Variants in SETD3 observed in about 807,000 individuals in gnomAD.
SETD3 encodes the protein actin-histidine N-methyltransferase.
Under a neutral mutation model 63.0 loss-of-function variants are expected in SETD3, and 19 were observed. The ratio of observed to expected loss-of-function variants is 0.30; its 90% confidence interval spans 0.21 to 0.44. The LOEUF (loss-of-function observed/expected upper bound fraction) is 0.44. Ranked by LOEUF, SETD3 falls within the 20% of genes least tolerant of loss-of-function variation. The probability of loss-of-function intolerance (pLI) is 1.00; values close to 1 mark genes in which losing one functional copy is unlikely to be tolerated. For synonymous variants in SETD3, 286 were observed against 264.1 expected (o/e 1.08, Z -0.80); for missense variants, 587 against 728.5 (o/e 0.81, Z 2.24).
chr14:99,463,999 T>G (rs1895225677), intron 2 of SETD3, among the ~76,000 whole-genome samples: 1 of 152,220 alleles, frequency 6.6e-6, no homozygotes, highest in Non-Finnish European at 1.5e-5. Flanking sequence ...TCAACCTTTC[T>G]TTTTAGTTAA....
chr14:99,461,860 G>A (rs1479305811), intron 3 of SETD3, among the ~76,000 whole-genome samples: 1 of 152,216 alleles, frequency 6.6e-6, no homozygotes, highest in African/African-American at 2.4e-5. Flanking sequence ...CAATTTAAAT[G>A]AGCTAGAGCT....
At chr14:99,463,724 T>C (rs568592913) in intron 2 of SETD3, 146 bp from the exon 3 acceptor site, 3 of 654,126 alleles carry the variant, frequency 4.6e-6, no homozygotes, top group East Asian at 5.5e-5. Context: ...GCCATGATAA[T>C]GAATGTGAGA....
chr14:99,434,551 T>C (rs1893362581), intron 6 of SETD3, among the ~76,000 whole-genome samples: 1 of 152,042 alleles, frequency 6.6e-6, no homozygotes, highest in African/African-American at 2.4e-5. Context: ...GCTACTTGAG[T>C]ACAAAAACTA....
intron 6 of SETD3, among the ~76,000 whole-genome samples, chr14:99,456,140 G>A (rs1049484548): frequency 2.0e-5 from 3 of 152,130 alleles, no homozygotes; most frequent in African/African-American, 7.2e-5. Context: ...GGGTGACACA[G>A]CAAGACCCTG....
At chr14:99,467,960 G>T (rs913808364) in intron 1 of SETD3, among the ~76,000 whole-genome samples, 5 of 152,066 alleles carry the variant, frequency 3.3e-5, no homozygotes, top group Non-Finnish European at 5.9e-5. Context: ...CCCTCTGCCA[G>T]GTGCTGGACT....
chr14:99,422,789 C>T (rs1161442650), intron 6 of SETD3, among the ~76,000 whole-genome samples: 2 of 152,182 alleles, frequency 1.3e-5, no homozygotes, highest in South Asian at 2.1e-4. Flanking sequence ...TGTACCATAC[C>T]GGGCTGCTGG....
intron 6 of SETD3, among the ~76,000 whole-genome samples, chr14:99,453,448 C>A (rs777631181): frequency 6.6e-6 from 1 of 152,194 alleles, no homozygotes; most frequent in Non-Finnish European, 1.5e-5. Context: ...ACAGCCTATT[C>A]CTTCCTGCCA....
At chr14:99,436,483 A>G (rs1041972887) in intron 6 of SETD3, among the ~76,000 whole-genome samples, 3 of 152,154 alleles carry the variant, frequency 2.0e-5, no homozygotes, top group African/African-American at 7.2e-5. Context: ...GACACCATCC[A>G]CTAGTACTCC....
chr14:99,482,796 G>A (rs556219566), upstream of SETD3, among the ~76,000 whole-genome samples: 1 of 152,178 alleles, frequency 6.6e-6, no homozygotes, highest in Non-Finnish European at 1.5e-5. Context: ...AGAAAAATTG[G>A]TCATAGCTGT....
At chr14:99,446,704 G>A (rs944677205) in intron 6 of SETD3, among the ~76,000 whole-genome samples, 7 of 152,178 alleles carry the variant, frequency 4.6e-5, no homozygotes, top group Non-Finnish European at 8.8e-5. Flanking sequence ...AAGGACCGCA[G>A]TCAGGTAAAG....
At chr14:99,479,492 T>C (rs1641855069) in intron 1 of SETD3, among the ~76,000 whole-genome samples, 1 of 152,220 alleles carries the variant, frequency 6.6e-6, no homozygotes, top group Admixed American at 6.5e-5. Context: ...TTTTGCTATA[T>C]TCTTGGGTTA....
intron 6 of SETD3, among the ~76,000 whole-genome samples, chr14:99,445,339 A>C (rs1386816407): frequency 6.6e-6 from 1 of 152,244 alleles, no homozygotes; most frequent in Non-Finnish European, 1.5e-5. Context: ...CATTCACTCA[A>C]GTTCAACTAA....
chr14:99,458,539 A>G lies in SETD3; in HGVS notation c.419-4T>C. ...CGGTCTTGAGAATATAAGGGCCCTG[A>G]ATTAACCCAGAAGTTAACAGCGTAA... is the stretch of plus-strand genomic sequence containing the variant. On this transcript the variant is annotated splice_polypyrimidine_tract_variant and splice_region_variant and intron_variant, in intron 5 of 12. Transcript: ENST00000331768. The G allele has an allele frequency of 6.2e-7, 1 of 1,612,360 alleles. No homozygotes were observed. Among genetic ancestry groups the G allele is most frequent in the Non-Finnish European group, 8.5e-7 (1 of 1,179,022 alleles).
At chr14:99,462,395 G>A (rs1406075209) in intron 3 of SETD3, among the ~76,000 whole-genome samples, 1 of 152,218 alleles carries the variant, frequency 6.6e-6, no homozygotes, top group Non-Finnish European at 1.5e-5. Flanking sequence ...TCAGGCGCCT[G>A]TGGCCATCTT....
At chr14:99,471,725 G>C (rs1298660555) in intron 1 of SETD3, among the ~76,000 whole-genome samples, 1 of 152,224 alleles carries the variant, frequency 6.6e-6, no homozygotes, top group Non-Finnish European at 1.5e-5. Context: ...CATTTAATAA[G>C]AGAGACTCTG....
chr14:99,430,929 T>C (rs1290225169), intron 6 of SETD3, among the ~76,000 whole-genome samples: 1 of 152,162 alleles, frequency 6.6e-6, no homozygotes, highest in Non-Finnish European at 1.5e-5. Flanking sequence ...AATCTAACAG[T>C]AACAATAAAA....
chr14:99,439,964 ATT>A (rs936934938), intron 6 of SETD3, among the ~76,000 whole-genome samples: 2 of 144,480 alleles, frequency 1.4e-5, no homozygotes, highest in African/African-American at 2.5e-5. Flanking sequence ...ATCTTTCTGT[ATT>A]TTTTTTTTTA....
At chr14:99,465,372 A>C (rs1276721180) in intron 2 of SETD3, among the ~76,000 whole-genome samples, 1 of 152,220 alleles carries the variant, frequency 6.6e-6, no homozygotes, top group Non-Finnish European at 1.5e-5. Context: ...AGGGTTCAGT[A>C]ATCTGCCGAG....
rs184390251 is a variant in SETD3, at chr14:99,463,609, C to T, written c.104-31G>A. 3.2e-6 allele frequency: 5 copies of T among 1,552,720 alleles called. No individual in the cohort carries two copies. In the African/African-American group the frequency reaches 6.8e-5, roughly 21 times the overall value. On this transcript the variant is annotated intron_variant, in intron 2 of 12. Coordinates refer to ENST00000331768, the MANE Select transcript of SETD3 (RefSeq NM_032233.3). ...ACATAAGAGGCATGGTACTGAAACA[C>T]TTCTCTCTTTCAACTTAACCTACTA...
Sources: allele counts gnomAD v4.1 joint callset (sites outside exome capture counted in the v4.1 genomes callset), GRCh38; gene constraint gnomAD v4.1.1; transcripts MANE v1.5; gene names NCBI Gene and HGNC (gene_info 2026-07-23, HGNC 2026-07-21).